CNTN4: variants seen among roughly 807,000 people sequenced by gnomAD.
CNTN4 encodes the protein contactin 4.
A neutral mutation model predicts 122.5 loss-of-function variants in CNTN4; 77 were observed. The observed-to-expected ratio is 0.63, with a 90% CI of 0.52 to 0.76. The LOEUF (loss-of-function observed/expected upper bound fraction) is 0.76, where lower values mean the gene tolerates loss of function less well. Among genes scored for constraint, CNTN4 ranks in the 30% least tolerant of loss-of-function variants. CNTN4 has a pLI of 0.00. For missense variants in CNTN4, 1,256 were observed against 1,259.1 expected, an observed-to-expected ratio of 1.00 and a Z score of 0.04; for synonymous variants, 512 against 447.0, an observed-to-expected ratio of 1.15 and a Z score of -1.83.
At chr3:2,539,996 T>C (rs1305272724) in intron 3 of CNTN4, among the ~76,000 whole-genome samples, 2 of 152,002 alleles carry the variant, frequency 1.3e-5, no homozygotes, top group Non-Finnish European at 2.9e-5. Context: ...TAACTTTTAA[T>C]AATACAGGTA....
chr3:2,728,687 G>A (rs573319676), intron 4 of CNTN4, among the ~76,000 whole-genome samples: 253 of 152,308 alleles, frequency 1.7e-3, no homozygotes, highest in Middle Eastern at 3.4e-3. Flanking sequence ...CATGCATAAC[G>A]CAAAAAGCTA....
At chr3:3,001,489 C>A (rs1433014848) in intron 14 of CNTN4, among the ~76,000 whole-genome samples, 4 of 152,170 alleles carry the variant, frequency 2.6e-5, no homozygotes, top group Non-Finnish European at 4.4e-5. Flanking sequence ...GCTCTCATGG[C>A]TAATTTGACT....
In CNTN4 at chr3:2,224,917, G is replaced by A. The variant is rs113888639; in HGVS notation, c.-144-114261G>A. On this transcript the variant is annotated intron_variant, in intron 2 of 24. Transcript: ENST00000418658. ...TGTAATCCCAGCATTTTGGGAGGCC[G>A]AGGCGGGTGGATCACGAGGTCAGGA... is the stretch of plus-strand genomic sequence containing the variant. Among the ~76,000 whole-genome samples the A allele has an allele frequency of 5.1e-3, 771 of 152,184 alleles. 3 individuals are homozygous for A. The highest frequency in any genetic ancestry group is 0.017 in the African/African-American group (703 of 41,514).
chr3:2,764,056 A>G (rs10865817), intron 6 of CNTN4, among the ~76,000 whole-genome samples: 99,724 of 151,902 alleles, frequency 0.66, 34,208 homozygotes, highest in Admixed American at 0.76. Flanking sequence ...AAAGAGCAAG[A>G]CATTTCAAGT....
At chr3:2,360,731 C>T (rs761956698) in intron 3 of CNTN4, among the ~76,000 whole-genome samples, 58 of 152,106 alleles carry the variant, frequency 3.8e-4, no homozygotes, top group Admixed American at 7.9e-4. Context: ...CATTAGATCT[C>T]GTGAGAACTC....
intron 4 of CNTN4, among the ~76,000 whole-genome samples, chr3:2,624,280 A>G (rs1377129204): frequency 6.6e-6 from 1 of 152,232 alleles, no homozygotes; most frequent in Non-Finnish European, 1.5e-5. Flanking sequence ...GAAAGAAACA[A>G]AAAGTGTGAA....
At chr3:2,328,161 T>G (rs997197247) in intron 2 of CNTN4, among the ~76,000 whole-genome samples, 3 of 152,160 alleles carry the variant, frequency 2.0e-5, no homozygotes, top group Non-Finnish European at 2.9e-5. Context: ...ATCCCAGCAC[T>G]TTGGGAGGCC....
At chr3:2,795,480 T>A (rs900486534) in intron 6 of CNTN4, among the ~76,000 whole-genome samples, 1 of 152,154 alleles carries the variant, frequency 6.6e-6, no homozygotes, top group Non-Finnish European at 1.5e-5. Context: ...GCATCATTTT[T>A]TCGTCTTAGC....
intron 2 of CNTN4, among the ~76,000 whole-genome samples, chr3:2,190,544 A>C (rs1274147646): frequency 2.0e-5 from 3 of 151,606 alleles, no homozygotes; most frequent in Non-Finnish European, 4.4e-5. Flanking sequence ...CTTCCTTTAG[A>C]ACTGGGTACC....
At chr3:2,250,075 G>A (rs1053114506) in intron 2 of CNTN4, among the ~76,000 whole-genome samples, 12 of 151,942 alleles carry the variant, frequency 7.9e-5, no homozygotes, top group African/African-American at 2.4e-4. Flanking sequence ...TGGGTTTTGG[G>A]TCTCATATAG....
intron 2 of CNTN4, among the ~76,000 whole-genome samples, chr3:2,331,859 A>G (rs77780844): frequency 1.7e-3 from 262 of 152,260 alleles, no homozygotes; most frequent in African/African-American, 3.8e-3. Context: ...TTTGCAAATG[A>G]TTGTAGTTTT....
chr3:3,043,168 G>A lies in CNTN4; in HGVS notation c.2698+5G>A. On this transcript the variant is annotated splice_donor_5th_base_variant and intron_variant, in intron 22 of 24. Coordinates refer to ENST00000418658, the MANE Select transcript of CNTN4 (RefSeq NM_175607.3). ...ATGTGACAACCCGAAAGCCACGTAA[G>A]AACAGACTTGCTCAGAAATATTTTG... 6.2e-7 allele frequency: 1 copy of A among 1,613,922 alleles called. No homozygotes were observed. Among genetic ancestry groups the A allele is most frequent in the Non-Finnish European group, 8.5e-7 (1 of 1,179,934 alleles).
intron 4 of CNTN4, among the ~76,000 whole-genome samples, chr3:2,601,009 G>C (rs531195144): frequency 1.3e-4 from 20 of 152,198 alleles, no homozygotes; most frequent in African/African-American, 4.6e-4. Flanking sequence ...CTTTTGAGAA[G>C]TGTCTGTTCA....
intron 3 of CNTN4, among the ~76,000 whole-genome samples, chr3:2,539,390 C>A (rs1413486477): frequency 6.6e-6 from 1 of 152,018 alleles, no homozygotes; most frequent in Non-Finnish European, 1.5e-5. Context: ...TCTTTAAATT[C>A]TCTGTCAATT....
intron 3 of CNTN4, among the ~76,000 whole-genome samples, chr3:2,548,837 C>T (rs1045109346): frequency 5.3e-5 from 8 of 152,210 alleles, no homozygotes; most frequent in East Asian, 3.9e-4. Context: ...TTGTTTGCGT[C>T]GTCTCTTATT....
Position 2,720,383 on chromosome 3 carries a change from C to G in CNTN4, c.56-15832C>G, listed in dbSNP as rs533797967. 3.9e-5 allele frequency among the ~76,000 whole-genome samples: 6 copies of G among 152,260 alleles called. No homozygotes were observed. In the East Asian group the frequency reaches 7.7e-4, roughly 20 times the overall value. On this transcript the variant is annotated intron_variant, in intron 4 of 24. Transcript: ENST00000418658. ...GCTTTCTTTTATAGTCTAAACTATT[C>G]TGAGCCTGAACATTGAGCATAACTC...
intron 4 of CNTN4, among the ~76,000 whole-genome samples, chr3:2,583,442 G>A (rs2080038974): frequency 6.6e-6 from 1 of 152,158 alleles, no homozygotes; most frequent in Non-Finnish European, 1.5e-5. Flanking sequence ...TAGTGAGAAT[G>A]TCTTCCTGAA....
chr3:2,670,866 T>C (rs949280168), intron 4 of CNTN4, among the ~76,000 whole-genome samples: 1 of 152,230 alleles, frequency 6.6e-6, no homozygotes, highest in Non-Finnish European at 1.5e-5. Flanking sequence ...TTAGTTTGGC[T>C]GGATATGAAA....
intron 4 of CNTN4, among the ~76,000 whole-genome samples, chr3:2,648,806 A>G (rs1464578406): frequency 3.9e-5 from 6 of 152,262 alleles, no homozygotes; most frequent in Admixed American, 1.3e-4. Flanking sequence ...GCTGAAAGCT[A>G]TGCCTCTTGC....
Sources: gnomAD v4.1 joint callset for allele counts (sites outside exome capture counted in the v4.1 genomes callset) on GRCh38, gnomAD v4.1.1 for gene constraint, MANE v1.5 for transcripts, NCBI Gene and HGNC (gene_info 2026-07-23, HGNC 2026-07-21) for gene names.